Variants in SPECC1L observed in about 807,000 individuals in gnomAD.
The protein encoded by SPECC1L is sperm antigen with calponin homology and coiled-coil domains 1 like.
In SPECC1L, 40 loss-of-function variants were observed where a neutral mutation model predicts 116.8. The observed-to-expected ratio is 0.34, with a 90% CI of 0.27 to 0.45. SPECC1L has a LOEUF of 0.45. Ranked by LOEUF, SPECC1L falls within the 20% of genes least tolerant of loss-of-function variation. The pLI, the probability that SPECC1L is intolerant of heterozygous loss-of-function variation, is 1.00. For synonymous variants in SPECC1L, 504 were observed against 500.6 expected, an observed-to-expected ratio of 1.01 and a Z score of -0.09; for missense variants, 1,110 against 1,373.6, an observed-to-expected ratio of 0.81 and a Z score of 3.03.
chr22:24,356,596 C>CTTT (rs1569433197), intron 11 of SPECC1L, among the ~76,000 whole-genome samples: 1 of 151,992 alleles, frequency 6.6e-6, no homozygotes, highest in African/African-American at 2.4e-5. Context: ...ATAGTTCAGT[C>CTTT]TTTTTTATTC....
intron 14 of SPECC1L, among the ~76,000 whole-genome samples, chr22:24,391,260 A>G (rs374346887): frequency 5.9e-5 from 9 of 152,102 alleles, no homozygotes; most frequent in African/African-American, 2.2e-4. Context: ...TCCTGTTTTC[A>G]GGGCATTCCT....
Position 24,415,705 on chromosome 22 carries a change from A to C in SPECC1L, c.*1082A>C, listed in dbSNP as rs1440878802. The C allele has an allele frequency of 6.6e-6, 1 of 152,406 alleles. No homozygotes were observed. Among genetic ancestry groups the C allele is most frequent in the Non-Finnish European group, 1.5e-5 (1 of 68,034 alleles). The allele number at this position is 152,406 out of a possible 1,614,324, so 9.4% of individuals were successfully genotyped here. On this transcript the variant is annotated 3_prime_UTR_variant, in exon 17 of 17. Coordinates refer to ENST00000314328, the MANE Select transcript of SPECC1L (RefSeq NM_015330.6). Reference sequence around the variant, plus strand: ...AGGGCAGCCACTGCCCTCCGTGGCCAAGGCAGGACCTCCAAGACTCAGTGG... The same window carrying C: ...AGGGCAGCCACTGCCCTCCGTGGCCCAGGCAGGACCTCCAAGACTCAGTGG...
intron 2 of SPECC1L, among the ~76,000 whole-genome samples, chr22:24,277,890 C>A (rs2048867838): frequency 6.6e-6 from 1 of 152,254 alleles, no homozygotes; most frequent in African/African-American, 2.4e-5. Flanking sequence ...TTTCAGTTCT[C>A]TCAGGTGTAT....
intron 3 of SPECC1L, among the ~76,000 whole-genome samples, chr22:24,308,564 G>T (rs1266030420): frequency 1.3e-5 from 2 of 152,182 alleles, no homozygotes; most frequent in Non-Finnish European, 1.5e-5. Flanking sequence ...CCTTTGGCTA[G>T]GTTTCTCCAC....
At chr22:24,312,030 G>T (rs143445213) in intron 3 of SPECC1L, among the ~76,000 whole-genome samples, 1 of 152,010 alleles carries the variant, frequency 6.6e-6, no homozygotes, top group African/African-American at 2.4e-5. Context: ...GTACGGTGGC[G>T]TGATCACAGC....
chr22:24,296,799 AT>A (rs2146386271), intron 2 of SPECC1L, among the ~76,000 whole-genome samples: 1 of 152,016 alleles, frequency 6.6e-6, no homozygotes, highest in African/African-American at 2.4e-5. Flanking sequence ...CATTTAAGGA[AT>A]TTGTGGAAGC....
intron 10 of SPECC1L, chr22:24,343,623 G>A (rs1224376943): frequency 1.4e-5 from 4 of 276,576 alleles, no homozygotes; most frequent in Non-Finnish European, 2.9e-5. Context: ...ATGGTGCCTG[G>A]CTAATTTTTG....
At chr22:24,348,091 A>T (rs527946624) in intron 11 of SPECC1L, among the ~76,000 whole-genome samples, 5 of 152,098 alleles carry the variant, frequency 3.3e-5, no homozygotes, top group Non-Finnish European at 7.4e-5. Context: ...ACTAAAGTGC[A>T]TTGGAAAGAT....
chr22:24,276,285 C>T (rs577692323), intron 1 of SPECC1L, among the ~76,000 whole-genome samples: 6 of 152,186 alleles, frequency 3.9e-5, no homozygotes, highest in Admixed American at 1.3e-4. Flanking sequence ...AAATAAAATT[C>T]GCCAGGTGTG....
chr22:24,298,752 AG>A (rs1480481994), intron 2 of SPECC1L, among the ~76,000 whole-genome samples: 1 of 152,234 alleles, frequency 6.6e-6, no homozygotes, highest in Non-Finnish European at 1.5e-5. Context: ...TGTTTTATTC[AG>A]GTCTACAGTT....
chr22:24,295,765 A>T (rs1334737035), intron 2 of SPECC1L, among the ~76,000 whole-genome samples: 1 of 152,132 alleles, frequency 6.6e-6, no homozygotes, highest in Non-Finnish European at 1.5e-5. Context: ...CCTGGCCAAC[A>T]TGGTGAAACC....
intron 14 of SPECC1L, among the ~76,000 whole-genome samples, chr22:24,385,393 A>G (rs1406292155): frequency 6.6e-6 from 1 of 152,226 alleles, no homozygotes; most frequent in East Asian, 1.9e-4. Flanking sequence ...AATAGGCTGA[A>G]TATTCCAGTT....
chr22:24,403,472 C>T lies in SPECC1L; in HGVS notation c.3088-8116C>T, dbSNP rs59672536. Among the ~76,000 whole-genome samples the T allele has an allele frequency of 3.9e-4, 59 of 152,264 alleles. No individual in the cohort carries two copies. In the East Asian group the frequency reaches 0.011, roughly 29 times the overall value. Reference sequence around the variant, plus strand: ...GAATAGTGAACAATAGAAATTCCTTCCGTTAATGTGCATTTTCCCCTCAAA... The same window carrying T: ...GAATAGTGAACAATAGAAATTCCTTTCGTTAATGTGCATTTTCCCCTCAAA... On this transcript the variant is annotated intron_variant, in intron 14 of 16. Coordinates refer to ENST00000314328, the MANE Select transcript of SPECC1L (RefSeq NM_015330.6).
At chr22:24,293,867 A>G (rs1333324046) in intron 2 of SPECC1L, among the ~76,000 whole-genome samples, 1 of 85,974 alleles carries the variant, frequency 1.2e-5, no homozygotes, top group Non-Finnish European at 2.3e-5. Context: ...TATTTTGAAC[A>G]TAAAGCTTAG....
intron 6 of SPECC1L, among the ~76,000 whole-genome samples, chr22:24,325,552 T>C (rs1415209394): frequency 1.3e-5 from 2 of 150,828 alleles, no homozygotes; most frequent in Non-Finnish European, 3.0e-5. Context: ...TATTTATTTA[T>C]TTATTTATTT....
At chr22:24,403,758 C>T (rs931317701) in intron 14 of SPECC1L, among the ~76,000 whole-genome samples, 12 of 152,216 alleles carry the variant, frequency 7.9e-5, no homozygotes, top group African/African-American at 1.9e-4. Flanking sequence ...GAAATAAACT[C>T]GTAAGAAGGG....
intron 1 of SPECC1L, among the ~76,000 whole-genome samples, chr22:24,272,084 C>T (rs1013058959): frequency 2.0e-5 from 3 of 152,148 alleles, no homozygotes; most frequent in African/African-American, 7.2e-5. Context: ...ATTTTTTCTT[C>T]GTAATTAAAA....
At chr22:24,396,024 G>C (rs1011310136) in intron 14 of SPECC1L, among the ~76,000 whole-genome samples, 3 of 152,196 alleles carry the variant, frequency 2.0e-5, no homozygotes, top group African/African-American at 4.8e-5. Context: ...ATCAAGTAAG[G>C]CAAGATTCTG....
In SPECC1L at chr22:24,313,167, A is replaced by G; in HGVS notation, c.154-146A>G. The G allele has an allele frequency of 5.4e-6, 4 of 738,506 alleles. No homozygotes were observed. The Admixed American group carries it at 6.7e-5, about 12-fold the overall frequency. The allele number at this position is 738,506 out of a possible 1,614,324, so 45.7% of individuals were successfully genotyped here. A position where few individuals can be genotyped will look rare whatever the true frequency, so the allele number is the denominator to read the frequency against. ...TAAAGAAGTTCTGTTTCTGTAGGAC[A>G]GTATGGTGTGCTGCTTACTACCTGT... On this transcript the variant is annotated intron_variant, in intron 3 of 16. Transcript: ENST00000314328.
Sources: allele counts gnomAD v4.1 joint callset (sites outside exome capture counted in the v4.1 genomes callset), GRCh38; gene constraint gnomAD v4.1.1; transcripts MANE v1.5; gene names NCBI Gene and HGNC (gene_info 2026-07-23, HGNC 2026-07-21).